Variants in NFX1 observed in about 807,000 individuals in gnomAD.
The protein encoded by NFX1 is transcriptional repressor NF-X1.
NFX1 carries 69 observed loss-of-function variants against 137.2 expected under a neutral mutation model. The ratio of observed to expected loss-of-function variants is 0.50; its 90% CI spans 0.41 to 0.61. NFX1 has a LOEUF of 0.61. Among genes scored for constraint, NFX1 ranks in the 20% least tolerant of loss-of-function variants. The pLI is 0.00. For missense variants in NFX1, 1,167 were observed against 1,391.0 expected, an observed-to-expected ratio of 0.84 and a Z score of 2.56; for synonymous variants, 495 against 474.1, an observed-to-expected ratio of 1.04 and a Z score of -0.57.
In NFX1 at chr9:33,295,359, C is replaced by G; in HGVS notation, c.965C>G (p.Pro322Arg). 1 of 1,614,112 alleles carries G rather than the reference C, an allele frequency of 6.2e-7. No individual in the cohort carries two copies. The highest frequency in any genetic ancestry group is 8.5e-7 in the Non-Finnish European group (1 of 1,180,036). The change falls in exon 2 of 24, where the codon CCT (proline) becomes CGT (arginine). Residue 322 changes from proline (P) to arginine (R), a missense_variant. Physicochemically the swap from Pro to Arg is moderately radical, Grantham distance 103. Transcript: ENST00000379540. Reference sequence around the variant, plus strand: ...AAATGCACTGTACGGAGGCAGGATCCTCAAGTAGTATCTCCTTTCTCCCGA... The same window carrying G: ...AAATGCACTGTACGGAGGCAGGATCGTCAAGTAGTATCTCCTTTCTCCCGA... ...QEKCTVRRQDPQVVSPFSRGK... is the reference protein window; with the variant it reads ...QEKCTVRRQDRQVVSPFSRGK...
intron 17 of NFX1, 141 bp downstream of exon 17, chr9:33,352,860 C>T (rs1464392547): frequency 4.7e-6 from 3 of 642,744 alleles, no homozygotes; most frequent in East Asian, 5.5e-5. Context: ...CAGTTGTAAA[C>T]ACCACTGCAC....
intron 21 of NFX1, chr9:33,366,157 A>T (rs1209042002): frequency 6.5e-6 from 1 of 154,766 alleles, no homozygotes; most frequent in Non-Finnish European, 1.4e-5. Context: ...GAGAAAATGG[A>T]ATGCATTATT....
chr9:33,364,815 AGCTTGATG>A (rs1452767154), intron 21 of NFX1, 41 bp downstream of exon 21: 1 of 1,606,994 alleles, frequency 6.2e-7, no homozygotes, highest in Admixed American at 1.7e-5. Flanking sequence ...CTCTAAGGCC[AGCTTGATG>A]AAAAAAAAAA....
At chr9:33,307,794 CTTTTTT>C (rs139468485) in intron 5 of NFX1, among the ~76,000 whole-genome samples, 6 of 85,324 alleles carry the variant, frequency 7.0e-5, no homozygotes, top group Admixed American at 2.7e-4. Context: ...TTCTTTCTTT[CTTTTTT>C]TTTTTTTTTT....
chr9:33,299,309 G>C (rs550575582), intron 2 of NFX1, among the ~76,000 whole-genome samples: 14 of 152,298 alleles, frequency 9.2e-5, no homozygotes, highest in African/African-American at 3.4e-4. Flanking sequence ...CATGTCTCCT[G>C]AGTCTCCTAC....
intron 10 of NFX1, among the ~76,000 whole-genome samples, chr9:33,331,788 C>A (rs1822816948): frequency 6.6e-6 from 1 of 150,682 alleles, no homozygotes; most frequent in Admixed American, 6.6e-5. Flanking sequence ...TAAATGACAT[C>A]AAAGCCAAAA....
intron 19 of NFX1, among the ~76,000 whole-genome samples, chr9:33,361,323 TTAAA>T (rs1253324546): frequency 6.6e-6 from 1 of 152,200 alleles, no homozygotes; most frequent in African/African-American, 2.4e-5. Flanking sequence ...AATTTTTTTA[TTAAA>T]TAAAAATGGT....
rs747261162 is a variant in NFX1, at chr9:33,344,186, C to T, written c.2342C>T (p.Pro781Leu). ...GCTAGAGTCCATGAGTGTGACCATC[C>T]AGGTGAGTACCAACTTGTCTTCACA... is the stretch of plus-strand genomic sequence containing the variant. ...TCARVHECDH[P>L]VYHSCHSEEK... The change falls in exon 14 of 24, where the codon CCA becomes CTA. Residue 781 changes from proline to leucine, a missense_variant and splice_region_variant. By Grantham distance (98) the Pro-to-Leu change is moderately conservative. Coordinates refer to ENST00000379540, the MANE Select transcript of NFX1 (RefSeq NM_002504.6). The T allele has an allele frequency of 6.2e-7, 1 of 1,613,798 alleles. No individual in the cohort carries two copies. The highest frequency in any genetic ancestry group is 2.2e-5 in the East Asian group (1 of 44,850).
chr9:33,332,373 G>A (rs1410944590), intron 10 of NFX1, 99 bp from the exon 11 acceptor site: 10 of 1,137,520 alleles, frequency 8.8e-6, no homozygotes, highest in South Asian at 1.4e-5. Context: ...GAGAAGTATG[G>A]GATATTTGGG....
At chr9:33,330,857 T>G (rs1170113969) in intron 10 of NFX1, among the ~76,000 whole-genome samples, 1 of 152,066 alleles carries the variant, frequency 6.6e-6, no homozygotes. Context: ...TAAACCTGTT[T>G]GACAAAGTAA....
At chr9:33,356,335 T>C (rs902761604) in intron 19 of NFX1, among the ~76,000 whole-genome samples, 1 of 152,182 alleles carries the variant, frequency 6.6e-6, no homozygotes, top group African/African-American at 2.4e-5. Context: ...TTTGTATTGA[T>C]TAGTAGGAAT....
chr9:33,334,764 G>A (rs1822937515), intron 11 of NFX1, among the ~76,000 whole-genome samples: 2 of 152,242 alleles, frequency 1.3e-5, no homozygotes, highest in Admixed American at 6.5e-5. Flanking sequence ...TATTCCATAT[G>A]TGGATCTGCC....
intron 2 of NFX1, among the ~76,000 whole-genome samples, chr9:33,298,465 A>G (rs1432407324): frequency 6.6e-6 from 1 of 152,230 alleles, no homozygotes; most frequent in Non-Finnish European, 1.5e-5. Flanking sequence ...GAGGGATGTC[A>G]TGAACTTACA....
chr9:33,318,655 T>G, intron 7 of NFX1, 76 bp from the exon 8 acceptor site: 2 of 1,374,626 alleles, frequency 1.5e-6, no homozygotes, highest in Non-Finnish European at 2.1e-6. Flanking sequence ...TTTTGTATTT[T>G]CTTATAGATT....
chr9:33,313,311 G>A (rs1308016571), intron 6 of NFX1, among the ~76,000 whole-genome samples: 2 of 151,938 alleles, frequency 1.3e-5, no homozygotes, highest in East Asian at 1.9e-4. Flanking sequence ...AGAGTGGGCC[G>A]GGCGTGGTGG....
chr9:33,318,057 GTA>G (rs1165019108), intron 7 of NFX1, among the ~76,000 whole-genome samples: 1 of 149,364 alleles, frequency 6.7e-6, no homozygotes, highest in African/African-American at 2.5e-5. Flanking sequence ...TATTTTATGA[GTA>G]TTATTTTTAA....
intron 15 of NFX1, 29 bp from the exon 16 acceptor site, chr9:33,351,531 G>A (rs1337336908): frequency 1.3e-6 from 2 of 1,596,148 alleles, no homozygotes; most frequent in Non-Finnish European, 1.7e-6. Context: ...ACATGGAGAT[G>A]AGAATCTGGC....
chr9:33,307,750 T>A (rs1379227754), intron 5 of NFX1, among the ~76,000 whole-genome samples: 1 of 151,948 alleles, frequency 6.6e-6, no homozygotes, highest in African/African-American at 2.4e-5. Flanking sequence ...GGTCGGACAG[T>A]ATTTCCAAGA....
chr9:33,367,707 G>T lies in NFX1; in HGVS notation c.3290+88G>T, dbSNP rs574525400. The T allele has an allele frequency of 5.4e-6, 7 of 1,291,694 alleles. No individual in the cohort carries two copies. The African/African-American group carries it at 1.0e-4, about 19-fold the overall frequency. The allele number at this position is 1,291,694 out of a possible 1,614,324, so 80.0% of individuals were successfully genotyped here. A position where few individuals can be genotyped will look rare whatever the true frequency, so the allele number is the denominator to read the frequency against. ...ATTGTCCTGAGCTGCACCAGCCATT[G>T]GTGGCCTCCTCAGGCCTGGCCTTGG... On this transcript the variant is annotated intron_variant, in intron 23 of 23. Transcript: ENST00000379540.
Sources: gnomAD v4.1 joint callset for allele counts (sites outside exome capture counted in the v4.1 genomes callset) on GRCh38, gnomAD v4.1.1 for gene constraint, MANE v1.5 for transcripts, NCBI Gene and HGNC (gene_info 2026-07-23, HGNC 2026-07-21) for gene names.